LCK: variants seen among roughly 807,000 people sequenced by gnomAD.
LCK encodes the protein tyrosine-protein kinase Lck.
In LCK, 14 loss-of-function variants were observed where a neutral mutation model predicts 64.6. The observed-to-expected ratio is 0.22, with a 90% CI of 0.14 to 0.34. The LOEUF is 0.34. LCK is among the 10% of genes least tolerant of loss of function. LCK has a pLI of 1.00. For missense variants in LCK, 434 were observed against 668.1 expected, an observed-to-expected ratio of 0.65 and a Z score of 3.86; for synonymous variants, 277 against 263.6, an observed-to-expected ratio of 1.05 and a Z score of -0.49.
intron 1 of LCK, among the ~76,000 whole-genome samples, chr1:32,267,863 C>T (rs1639965275): frequency 6.6e-6 from 1 of 151,340 alleles, no homozygotes; most frequent in East Asian, 1.9e-4. Context: ...CATTGCACTC[C>T]AGCCTGGGCA....
At chr1:32,261,145 C>A (rs1247362211) in intron 1 of LCK, among the ~76,000 whole-genome samples, 2 of 151,742 alleles carry the variant, frequency 1.3e-5, no homozygotes, top group African/African-American at 4.8e-5. Context: ...CGGCTCACTG[C>A]AGCCTTGACT....
In LCK at chr1:32,268,522, T is replaced by C. The variant is rs551193038; in HGVS notation, c.-5-5803T>C. ...ATAATAAGAGGCTTGCTTGAGGTGA[T>C]GGATAGCTCATTTATCCCTTTTGTG... On this transcript the variant is annotated intron_variant, in intron 1 of 12. Coordinates refer to ENST00000336890, the MANE Select transcript of LCK (RefSeq NM_005356.5). Among the ~76,000 whole-genome samples the C allele has an allele frequency of 5.9e-5, 9 of 151,942 alleles. No homozygotes were observed. The South Asian group carries it at 8.3e-4, about 14-fold the overall frequency.
chr1:32,252,040 G>A (rs1190779214), intron 1 of LCK, among the ~76,000 whole-genome samples: 8 of 152,182 alleles, frequency 5.3e-5, no homozygotes, highest in Non-Finnish European at 1.2e-4. Context: ...ATGTGTGGGG[G>A]TGTCCATCAT....
chr1:32,262,993 G>A (rs1427288607), intron 1 of LCK, among the ~76,000 whole-genome samples: 1 of 151,978 alleles, frequency 6.6e-6, no homozygotes, highest in African/African-American at 2.4e-5. Flanking sequence ...CCAAGGTCAC[G>A]AGTAAGAATT....
intron 1 of LCK, among the ~76,000 whole-genome samples, chr1:32,255,201 A>G (rs1017325659): frequency 2.0e-5 from 3 of 152,138 alleles, no homozygotes; most frequent in African/African-American, 4.8e-5. Flanking sequence ...CTCACTTCAC[A>G]ACTCCACTGC....
At chr1:32,272,603 GAA>G (rs1304975913) in intron 1 of LCK, among the ~76,000 whole-genome samples, 6 of 146,908 alleles carry the variant, frequency 4.1e-5, no homozygotes, top group African/African-American at 1.6e-4. Context: ...GAGAGAGAGA[GAA>G]AGAGAGAGAG....
intron 1 of LCK, among the ~76,000 whole-genome samples, chr1:32,258,092 G>A (rs957880970): frequency 4.6e-5 from 7 of 151,848 alleles, no homozygotes; most frequent in Admixed American, 4.6e-4. Flanking sequence ...AGACCAGCCT[G>A]GGGAACATAG....
intron 12 of LCK, among the ~76,000 whole-genome samples, chr1:32,281,036 G>T (rs1174966242): frequency 6.6e-6 from 1 of 152,150 alleles, no homozygotes; most frequent in African/African-American, 2.4e-5. Context: ...GAGCCCAGGA[G>T]TTCGAGACCA....
intron 3 of LCK, 71 bp from the exon 4 acceptor site, chr1:32,274,922 C>T (rs754025385): frequency 6.2e-7 from 1 of 1,614,068 alleles, no homozygotes; most frequent in Admixed American, 1.7e-5. Context: ...CCTTCCTTGT[C>T]CCCCACCCTG....
In LCK at chr1:32,276,290, C is replaced by A. The variant is rs372584352; in HGVS notation, c.632-47C>A. On this transcript the variant is annotated intron_variant, in intron 7 of 12. Transcript: ENST00000336890. The surrounding 1 kb of genome is among the most constrained non-coding windows in gnomAD (Gnocchi z 4.6). ...AGAAGTGGGGGAGGTGGTGTCAATA[C>A]GAGGCCTGCCCTATTGACAGCCTTC... 2 of 1,524,568 alleles carry A rather than the reference C, an allele frequency of 1.3e-6. No individual in the cohort carries two copies. Among genetic ancestry groups the A allele is most frequent in the African/African-American group, 1.4e-5 (1 of 72,570 alleles). 94.4% of individuals were successfully genotyped at this position (1,524,568 alleles called of 1,614,324 possible). A position where few individuals can be genotyped will look rare whatever the true frequency, so the allele number is the denominator to read the frequency against.
intron 1 of LCK, among the ~76,000 whole-genome samples, chr1:32,258,632 G>A (rs760068129): frequency 1.3e-5 from 2 of 151,092 alleles, no homozygotes; most frequent in Non-Finnish European, 3.0e-5. Context: ...TAAAAAACAC[G>A]TCTCTACTAA....
rs770430504 is a variant in LCK, at chr1:32,280,443, C to CTTTTTTTTTTTTTTTTT, written c.1327+247_1327+263dup. 1.5e-3 allele frequency among the ~76,000 whole-genome samples: 130 copies of CTTTTTTTTTTTTTTTTT among 84,772 alleles called. 1 individual carries two copies. Among genetic ancestry groups the CTTTTTTTTTTTTTTTTT allele is most frequent in the Non-Finnish European group, 1.8e-3 (85 of 46,788 alleles). The allele number at this position is 84,772 out of a possible 152,430, so 55.6% of individuals were successfully genotyped here. A position where few individuals can be genotyped will look rare whatever the true frequency, so the allele number is the denominator to read the frequency against. On this transcript the variant is annotated intron_variant, in intron 12 of 12. Transcript: ENST00000336890. ...TTTCTTTTTCTCTTTTTTTCTTTTT[C>CTTTTTTTTTTTTTTTTT]TTTTTTTTTTTTTTTTTTTTTTTTT...
chr1:32,276,900 G>C lies in LCK; in HGVS notation c.964+114G>C. On this transcript the variant is annotated intron_variant, in intron 9 of 12. Coordinates refer to ENST00000336890, the MANE Select transcript of LCK (RefSeq NM_005356.5). This position sits in a 1 kb window ranked among gnomAD's most constrained non-coding sequence, Gnocchi z 4.6. ...AAAGCTCAAGCAAGGAGGGTTTCTT[G>C]AGCTTTCCTGCCCCCTGGAGACTCA... 8.7e-7 allele frequency: 1 copy of C among 1,149,410 alleles called. No individual in the cohort carries two copies. Among genetic ancestry groups the C allele is most frequent in the African/African-American group, 1.6e-5 (1 of 63,826 alleles). 71.2% of individuals were successfully genotyped at this position (1,149,410 alleles called of 1,614,324 possible). A position where few individuals can be genotyped will look rare whatever the true frequency, so the allele number is the denominator to read the frequency against.
At chr1:32,254,804 G>A (rs954253499) in intron 1 of LCK, among the ~76,000 whole-genome samples, 2 of 152,224 alleles carry the variant, frequency 1.3e-5, no homozygotes, top group East Asian at 3.9e-4. Context: ...GAGCCACCTC[G>A]CCCGGCTGTT....
rs1639696701 is a variant in LCK at position 32,258,948 on chromosome 1, T to C, written c.-6+7577T>C. ...TGAGGTAGGAGGATCACCTGAGCTA[T>C]GGGAGGTCGAGGCTGCAGTGAGCCA... On this transcript the variant is annotated intron_variant, in intron 1 of 12. Transcript: ENST00000336890. 2.0e-5 allele frequency among the ~76,000 whole-genome samples: 3 copies of C among 151,012 alleles called. No individual in the cohort carries two copies. The Admixed American group carries it at 2.0e-4, about 10-fold the overall frequency.
chr1:32,278,679 C>A (rs1365106973), intron 9 of LCK, among the ~76,000 whole-genome samples: 2 of 152,116 alleles, frequency 1.3e-5, no homozygotes, highest in Admixed American at 6.5e-5. Context: ...GCTTGTAGTG[C>A]TGGAGAAGGA....
chr1:32,285,807 C>A lies in LCK; in HGVS notation c.*91C>A. 1 of 1,314,118 alleles carries A rather than the reference C, an allele frequency of 7.6e-7. No individual in the cohort carries two copies. The highest frequency in any genetic ancestry group is 1.1e-6 in the Non-Finnish European group (1 of 941,580). The allele number at this position is 1,314,118 out of a possible 1,614,324, so 81.4% of individuals were successfully genotyped here. ...TTGTGCCATAGTCACATGGCCTATG[C>A]ACATATGGACTCTGCACATGAATCC... is the stretch of plus-strand genomic sequence containing the variant. On this transcript the variant is annotated 3_prime_UTR_variant, in exon 13 of 13. Coordinates refer to ENST00000336890, the MANE Select transcript of LCK (RefSeq NM_005356.5).
intron 1 of LCK, among the ~76,000 whole-genome samples, chr1:32,265,841 CT>C (rs928799737): frequency 6.6e-6 from 1 of 152,076 alleles, no homozygotes; most frequent in Non-Finnish European, 1.5e-5. Context: ...TCTTCCTCTT[CT>C]TTTTTTCCTT....
intron 1 of LCK, among the ~76,000 whole-genome samples, chr1:32,253,227 T>C (rs1639550285): frequency 6.6e-6 from 1 of 152,106 alleles, no homozygotes; most frequent in African/African-American, 2.4e-5. Context: ...TAGCCGAGCG[T>C]GGTGGCAGGT....
Sources: allele counts gnomAD v4.1 joint callset (sites outside exome capture counted in the v4.1 genomes callset), GRCh38; gene constraint gnomAD v4.1.1; non-coding constraint Gnocchi (gnomAD v3.1); transcripts MANE v1.5; gene names NCBI Gene and HGNC (gene_info 2026-07-23, HGNC 2026-07-21).